The following NPY2R variants were observed in gnomAD, a reference collection of about 807,000 sequenced individuals.
NPY2R encodes the protein neuropeptide Y receptor Y2.
In NPY2R, 17 loss-of-function variants were observed where a neutral mutation model predicts 22.3. The observed-to-expected ratio is 0.76, with a 90% confidence interval of 0.52 to 1.14. The LOEUF (loss-of-function observed/expected upper bound fraction) is 1.14, where lower values mean the gene tolerates loss of function less well. Ranked by LOEUF, NPY2R falls within the 50% of genes most tolerant of loss-of-function variation. The pLI is 0.00. For missense variants in NPY2R, 424 were observed against 467.9 expected, an observed-to-expected ratio of 0.91 and a Z score of 0.87; for synonymous variants, 209 against 183.4, an observed-to-expected ratio of 1.14 and a Z score of -1.13.
In NPY2R at chr4:155,214,477, G is replaced by A. The variant is rs1421350171; in HGVS notation, c.538G>A (p.Ala180Thr). The change falls in exon 2 of 2, where the codon GCA becomes ACA. Residue 180 changes from alanine to threonine, a missense_variant. Coordinates refer to ENST00000329476, the MANE Select transcript of NPY2R (RefSeq NM_000910.4). ...GGCCTGGGGCATCAGTGCCCTGCTG[G>A]CAAGTCCCCTGGCCATCTTCCGGGA... is the stretch of plus-strand genomic sequence containing the variant. ...GLAWGISALL[A>T]SPLAIFREYS... 1.2e-6 allele frequency: 2 copies of A among 1,614,008 alleles called. No individual in the cohort carries two copies. Among genetic ancestry groups the A allele is most frequent in the Non-Finnish European group, 1.7e-6 (2 of 1,180,022 alleles).
chr4:155,177,578 A>C, the NPY2R span, among the ~76,000 whole-genome samples: 2,765 of 152,102 alleles, frequency 0.018, 58 homozygotes, highest in African/African-American at 0.064. Flanking sequence ...GTGGCTCAAT[A>C]GTTCTGGGAG....
the NPY2R span, among the ~76,000 whole-genome samples, chr4:155,183,195 C>T: frequency 7.2e-5 from 11 of 152,090 alleles, no homozygotes; most frequent in African/African-American, 2.4e-4. Context: ...GTGGCCTGAC[C>T]AAGTAATGAA....
chr4:155,173,816 T>C, the NPY2R span: 1 of 152,204 alleles, frequency 6.6e-6, no homozygotes, highest in Admixed American at 6.5e-5. Flanking sequence ...TGTGTTTTTC[T>C]CTCTTTTAAG....
In NPY2R at chr4:155,214,317, G is replaced by A. The variant is rs759236910; in HGVS notation, c.378G>A (p.Val126=). 2 of 1,614,142 alleles carry A rather than the reference G, an allele frequency of 1.2e-6. No homozygotes were observed. Among genetic ancestry groups the A allele is most frequent in the Non-Finnish European group, 1.7e-6 (2 of 1,180,030 alleles). The change falls in exon 2 of 2, where the codon GTG becomes GTA. Residue 126 remains valine, a synonymous_variant. Transcript: ENST00000329476. ...WKMGPVLCHL[V]PYAQGLAVQV... The stretch of plus-strand genomic sequence containing the variant: ...TGGGTCCTGTCCTGTGCCACCTGGT[G>A]CCCTATGCCCAGGGCCTGGCAGTAC...
At chr4:155,183,511 C>CTGTT in the NPY2R span, among the ~76,000 whole-genome samples, 2 of 152,152 alleles carry the variant, frequency 1.3e-5, no homozygotes, top group East Asian at 1.9e-4. Context: ...ATGGTTTTCA[C>CTGTT]TGTTTGTTTG....
intron 1 of NPY2R, among the ~76,000 whole-genome samples, chr4:155,211,079 T>C (rs1358986432): frequency 2.6e-5 from 4 of 152,216 alleles, no homozygotes; most frequent in Admixed American, 1.3e-4. Context: ...TTGTCTTCAG[T>C]AAAGGAAAGG....
At chr4:155,182,018 G>C in the NPY2R span, among the ~76,000 whole-genome samples, 1 of 152,096 alleles carries the variant, frequency 6.6e-6, no homozygotes, top group Non-Finnish European at 1.5e-5. Flanking sequence ...AAGTGAGTGT[G>C]GTTTCCCCAA....
At chr4:155,191,206 G>A in the NPY2R span, among the ~76,000 whole-genome samples, 1 of 151,814 alleles carries the variant, frequency 6.6e-6, no homozygotes, top group Non-Finnish European at 1.5e-5. Flanking sequence ...TGAAAGAAAA[G>A]AAAAAGACAC....
the NPY2R span, among the ~76,000 whole-genome samples, chr4:155,201,636 C>T: frequency 1.3e-5 from 2 of 152,066 alleles, no homozygotes; most frequent in African/African-American, 4.8e-5. Context: ...TTTAATGTCA[C>T]GTTGGAGCAT....
the NPY2R span, among the ~76,000 whole-genome samples, chr4:155,198,779 A>T: frequency 6.6e-6 from 1 of 151,626 alleles, no homozygotes; most frequent in Non-Finnish European, 1.5e-5. Context: ...TGTTCAAGAC[A>T]TTGCTCAGAT....
At chr4:155,195,177 G>C in the NPY2R span, among the ~76,000 whole-genome samples, 4 of 151,962 alleles carry the variant, frequency 2.6e-5, no homozygotes, top group African/African-American at 9.7e-5. Context: ...AAAGAACTCT[G>C]CAGCAGCTTC....
the NPY2R span, among the ~76,000 whole-genome samples, chr4:155,180,974 T>A: frequency 6.6e-6 from 1 of 152,184 alleles, no homozygotes. Context: ...TGAGACTTTA[T>A]CAAAATGGTG....
At chr4:155,189,803 G>A in the NPY2R span, among the ~76,000 whole-genome samples, 2 of 151,816 alleles carry the variant, frequency 1.3e-5, no homozygotes, top group African/African-American at 4.8e-5. Flanking sequence ...AATATAGGCG[G>A]CTTTCATTAT....
intron 1 of NPY2R, among the ~76,000 whole-genome samples, chr4:155,212,933 A>G (rs1729436137): frequency 6.6e-6 from 1 of 152,248 alleles, no homozygotes; most frequent in Non-Finnish European, 1.5e-5. Flanking sequence ...GTAATACACC[A>G]TGGAATACTA....
the NPY2R span, among the ~76,000 whole-genome samples, chr4:155,174,975 G>A: frequency 6.6e-6 from 1 of 152,048 alleles, no homozygotes; most frequent in Non-Finnish European, 1.5e-5. Context: ...CTAATGGAGA[G>A]AAAATTTTAA....
rs1729462427 is a variant in NPY2R at position 155,214,228 on chromosome 4, C to A, written c.289C>A (p.Leu97Ile). ...FFIANLAVADLLVNTLCLPFT... is the reference protein window; with the variant it reads ...FFIANLAVADILVNTLCLPFT... ...CATTGCCAATCTGGCTGTGGCAGAT[C>A]TTTTGGTGAACACTCTGTGTCTACC... The change falls in exon 2 of 2, where the codon CTT (leucine) becomes ATT (isoleucine). Residue 97 changes from leucine to isoleucine, a missense_variant. Transcript: ENST00000329476. 5 of 1,614,118 alleles carry A rather than the reference C, an allele frequency of 3.1e-6. No individual in the cohort carries two copies. The highest frequency in any genetic ancestry group is 4.2e-6 in the Non-Finnish European group (5 of 1,179,976).
the NPY2R span, among the ~76,000 whole-genome samples, chr4:155,174,483 TA>T: frequency 3.6e-3 from 254 of 70,916 alleles, 1 homozygote; most frequent in African/African-American, 0.012. Context: ...TATATATATA[TA>T]TTTTTTTTTT....
chr4:155,209,950 C>T (rs7677501), intron 1 of NPY2R, among the ~76,000 whole-genome samples: 96,571 of 151,934 alleles, frequency 0.64, 32,847 homozygotes, highest in African/African-American at 0.89. Flanking sequence ...TGGTGGGCTG[C>T]TGGGGGAAGT....
the NPY2R span, among the ~76,000 whole-genome samples, chr4:155,195,201 A>C: frequency 1.3e-5 from 2 of 152,010 alleles, no homozygotes; most frequent in Non-Finnish European, 2.9e-5. Flanking sequence ...AGAACATAAC[A>C]TGTCAACCTG....
Sources: gnomAD v4.1 joint callset for allele counts (sites outside exome capture counted in the v4.1 genomes callset) on GRCh38, gnomAD v4.1.1 for gene constraint, MANE v1.5 for transcripts, NCBI Gene and HGNC (gene_info 2026-07-23, HGNC 2026-07-21) for gene names.